MCC: variants seen among roughly 807,000 people sequenced by gnomAD.
MCC encodes the protein colorectal mutant cancer protein.
In MCC, 90 loss-of-function variants were observed where a neutral mutation model predicts 116.2. That is an observed-to-expected ratio of 0.77 (90% CI 0.65 to 0.92). MCC has a LOEUF of 0.92. Ranked by LOEUF, MCC falls within the 40% of genes least tolerant of loss-of-function variation. The pLI, the probability that MCC is intolerant of heterozygous loss-of-function variation, is 0.00. For missense variants in MCC, 1,516 were observed against 1,312.2 expected (o/e 1.16, Z -2.40); for synonymous variants, 578 against 510.5 (o/e 1.13, Z -1.78).
chr5:113,033,900 T>G (rs906392759), intron 17 of MCC, among the ~76,000 whole-genome samples: 1 of 152,134 alleles, frequency 6.6e-6, no homozygotes, highest in Non-Finnish European at 1.5e-5. Context: ...GGTGGGACTT[T>G]TAAGAGACAG....
At chr5:113,334,130 T>C (rs1174904169) in intron 3 of MCC, among the ~76,000 whole-genome samples, 1 of 148,086 alleles carries the variant, frequency 6.8e-6, no homozygotes, top group Non-Finnish European at 1.5e-5. Context: ...CATTCAGAAA[T>C]TTATCTCTGC....
At position 113,201,387 on chromosome 5, in the gene MCC, CAAA is replaced by C. The variant is rs68052804; in HGVS notation, c.628-49968_628-49966del. 3.5e-3 allele frequency among the ~76,000 whole-genome samples: 454 copies of C among 128,248 alleles called. 3 individuals are homozygous for C. The highest frequency in any genetic ancestry group is 0.011 in the African/African-American group (390 of 34,606). The allele number at this position is 128,248 out of a possible 152,430, so 84.1% of individuals were successfully genotyped here. The stretch of plus-strand genomic sequence containing the variant: ...GGCGACAAGAGCAAAACGCCATCTC[CAAA>C]AAAAAAAAAAAAAAACAAAGAAGAA... On this transcript the variant is annotated intron_variant, in intron 3 of 18. Transcript: ENST00000408903.
At chr5:113,145,737 TACACACACACACACACAC>T (rs558608537) in intron 4 of MCC, among the ~76,000 whole-genome samples, 1,401 of 123,512 alleles carry the variant, frequency 0.011, 16 homozygotes, top group Middle Eastern at 0.014. Flanking sequence ...TAAACTTGCT[TACACACACACACACACAC>T]ACACACACAC....
chr5:113,220,618 T>C (rs1163554153), intron 3 of MCC, among the ~76,000 whole-genome samples: 1 of 152,240 alleles, frequency 6.6e-6, no homozygotes, highest in Non-Finnish European at 1.5e-5. Context: ...TTTCTGATTG[T>C]TCATTACTAG....
At chr5:113,212,733 A>T (rs563890418) in intron 3 of MCC, among the ~76,000 whole-genome samples, 1 of 152,302 alleles carries the variant, frequency 6.6e-6, no homozygotes, top group Non-Finnish European at 1.5e-5. Context: ...ACCTAAATAC[A>T]ACACTGGGTA....
chr5:113,374,548 C>T (rs1561542766), intron 2 of MCC, among the ~76,000 whole-genome samples: 1 of 152,130 alleles, frequency 6.6e-6, no homozygotes, highest in Admixed American at 6.5e-5. Context: ...ACGCCCGAGC[C>T]AGAGATTTCT....
intron 3 of MCC, among the ~76,000 whole-genome samples, chr5:113,283,848 G>A (rs769370822): frequency 1.3e-5 from 2 of 152,188 alleles, no homozygotes; most frequent in Non-Finnish European, 2.9e-5. Flanking sequence ...ACTTACATGT[G>A]TAAACTTAGC....
chr5:113,266,354 C>G (rs1332255444), intron 3 of MCC, among the ~76,000 whole-genome samples: 1 of 152,012 alleles, frequency 6.6e-6, no homozygotes, highest in Non-Finnish European at 1.5e-5. Context: ...TCTTGTTTAC[C>G]CAGCAACGAT....
Position 113,028,918 on chromosome 5 carries a change from A to G in MCC, c.2879+16T>C, listed in dbSNP as rs1362036307. 1.9e-6 allele frequency: 3 copies of G among 1,612,290 alleles called. No homozygotes were observed. Among genetic ancestry groups the G allele is most frequent in the Middle Eastern group, 1.7e-4 (1 of 6,046 alleles). ...AGGTGGAGGGCGGTGGGGGCTGGGT[A>G]TAGGGAGATTTTTACCTGTTGGCCC... On this transcript the variant is annotated intron_variant, in intron 18 of 18. Transcript: ENST00000408903.
intron 1 of MCC, among the ~76,000 whole-genome samples, chr5:113,474,497 G>T (rs746804368): frequency 9.8e-4 from 150 of 152,290 alleles, no homozygotes; most frequent in Non-Finnish European, 1.6e-3. Flanking sequence ...GGGGAGTGGA[G>T]TCACCGTGCC....
intron 3 of MCC, among the ~76,000 whole-genome samples, chr5:113,205,840 A>C (rs1424441111): frequency 6.6e-6 from 1 of 152,246 alleles, no homozygotes; most frequent in Non-Finnish European, 1.5e-5. Context: ...GCCAGAGCTG[A>C]TGGGGCTAAC....
At chr5:113,396,813 G>A (rs1008435122) in intron 1 of MCC, among the ~76,000 whole-genome samples, 6 of 151,942 alleles carry the variant, frequency 3.9e-5, no homozygotes, top group African/African-American at 1.5e-4. Flanking sequence ...ATAGGTACTT[G>A]GTAAATAAAT....
At chr5:113,419,042 G>A (rs751858170) in intron 1 of MCC, among the ~76,000 whole-genome samples, 1 of 152,062 alleles carries the variant, frequency 6.6e-6, no homozygotes, top group African/African-American at 2.4e-5. Flanking sequence ...TCCTAAGAAC[G>A]TTAAACACAG....
chr5:113,426,448 T>TA (rs1483603433), intron 1 of MCC, among the ~76,000 whole-genome samples: 4 of 152,176 alleles, frequency 2.6e-5, no homozygotes, highest in African/African-American at 9.7e-5. Flanking sequence ...CCACACAATG[T>TA]AATAGTATGC....
intron 3 of MCC, among the ~76,000 whole-genome samples, chr5:113,174,818 G>A (rs1761247459): frequency 6.6e-6 from 1 of 151,912 alleles, no homozygotes; most frequent in African/African-American, 2.4e-5. Context: ...CAAACTCCTG[G>A]GCTCAGACGA....
intron 1 of MCC, among the ~76,000 whole-genome samples, chr5:113,412,668 T>G (rs912933775): frequency 2.0e-5 from 3 of 152,230 alleles, no homozygotes; most frequent in Non-Finnish European, 4.4e-5. Context: ...AAGGAGATTT[T>G]GGGCTGAGAT....
intron 14 of MCC, among the ~76,000 whole-genome samples, chr5:113,057,229 G>A (rs1752895297): frequency 6.6e-6 from 1 of 152,192 alleles, no homozygotes; most frequent in African/African-American, 2.4e-5. Flanking sequence ...TAAGGGCTGT[G>A]TCTTTTTCTC....
At chr5:113,376,574 T>TATATATACACACACAC (rs10633405) in intron 2 of MCC, among the ~76,000 whole-genome samples, 8 of 145,890 alleles carry the variant, frequency 5.5e-5, no homozygotes, top group African/African-American at 1.8e-4. Context: ...CCATATTTTA[T>TATATATACACACACAC]ACACACACAC....
intron 3 of MCC, among the ~76,000 whole-genome samples, chr5:113,297,193 G>C (rs367805407): frequency 2.0e-5 from 3 of 152,298 alleles, no homozygotes. Flanking sequence ...TTCAGCAAGA[G>C]GTTAAAAGGG....
Sources: gnomAD v4.1 joint callset for allele counts (sites outside exome capture counted in the v4.1 genomes callset) on GRCh38, gnomAD v4.1.1 for gene constraint, MANE v1.5 for transcripts, NCBI Gene and HGNC (gene_info 2026-07-23, HGNC 2026-07-21) for gene names.